Variants in RGS5 observed in about 807,000 individuals in gnomAD.
The protein encoded by RGS5 is regulator of G-protein signalling 5.
In RGS5, 20 loss-of-function variants were observed where a neutral mutation model predicts 18.9. The observed-to-expected ratio is 1.06, with a 90% CI of 0.74 to 1.54. The LOEUF (loss-of-function observed/expected upper bound fraction) is 1.54. RGS5 is among the 40% of genes most tolerant of loss of function. The probability of loss-of-function intolerance (pLI) is 0.00; values close to 1 mark genes in which losing one functional copy is unlikely to be tolerated. For missense variants in RGS5, 201 were observed against 211.8 expected (o/e 0.95, Z 0.32); for synonymous variants, 57 against 76.2 (o/e 0.75, Z 1.31).
At chr1:163,173,821 A>G (rs1658417280) in intron 1 of RGS5, among the ~76,000 whole-genome samples, 1 of 152,202 alleles carries the variant, frequency 6.6e-6, no homozygotes, top group Non-Finnish European at 1.5e-5. Flanking sequence ...CATGCCTGTA[A>G]TCCCAGCACT....
At chr1:163,224,328 T>A (rs1369686021) in intron 2 of RGS5, among the ~76,000 whole-genome samples, 1 of 152,234 alleles carries the variant, frequency 6.6e-6, no homozygotes, top group Non-Finnish European at 1.5e-5. Flanking sequence ...TTTGGCTTAT[T>A]TCACTTAACA....
chr1:163,187,341 G>C (rs960290318), intron 1 of RGS5, among the ~76,000 whole-genome samples: 3 of 152,168 alleles, frequency 2.0e-5, no homozygotes, highest in Non-Finnish European at 4.4e-5. Flanking sequence ...GTCACATATA[G>C]TATGTGTGGT....
intron 1 of RGS5, among the ~76,000 whole-genome samples, chr1:163,172,807 G>A (rs537140790): frequency 1.6e-3 from 239 of 152,240 alleles, no homozygotes; most frequent in African/African-American, 5.2e-3. Flanking sequence ...TTTAAAGGCC[G>A]AGGAGCTGAG....
intron 2 of RGS5, among the ~76,000 whole-genome samples, chr1:163,166,976 G>C (rs1658081931): frequency 6.6e-6 from 1 of 152,126 alleles, no homozygotes; most frequent in African/African-American, 2.4e-5. Context: ...CTTGGTGCCT[G>C]CTGCTCCACA....
At chr1:163,189,349 A>T (rs997625190) in intron 1 of RGS5, among the ~76,000 whole-genome samples, 1 of 152,224 alleles carries the variant, frequency 6.6e-6, no homozygotes, top group Non-Finnish European at 1.5e-5. Flanking sequence ...AGAGTCAAGG[A>T]ACTCTTCCCA....
intron 2 of RGS5, among the ~76,000 whole-genome samples, chr1:163,230,718 A>T (rs1374648564): frequency 1.3e-5 from 2 of 152,212 alleles, no homozygotes; most frequent in Non-Finnish European, 2.9e-5. Context: ...GATTTATAAC[A>T]CCTGATGATT....
chr1:163,202,998 G>A, upstream of RGS5: 1 of 607,202 alleles, frequency 1.6e-6, no homozygotes, highest in Non-Finnish European at 2.9e-6. Flanking sequence ...GAGCCTTAGA[G>A]GAAACTGCAG....
intron 2 of RGS5, among the ~76,000 whole-genome samples, chr1:163,235,494 G>A (rs145760009): frequency 4.9e-4 from 75 of 152,220 alleles, no homozygotes; most frequent in African/African-American, 1.6e-3. Context: ...TCCACAGTAG[G>A]GACTATTTCT....
intron 2 of RGS5, among the ~76,000 whole-genome samples, chr1:163,249,847 T>C (rs1480218356): frequency 1.3e-5 from 2 of 152,116 alleles, no homozygotes; most frequent in South Asian, 2.1e-4. Context: ...ATGGGGAAGA[T>C]GGTAATTGCA....
intron 1 of RGS5, among the ~76,000 whole-genome samples, chr1:163,202,126 G>A (rs1659794026): frequency 4.6e-5 from 7 of 152,108 alleles, no homozygotes; most frequent in Admixed American, 4.6e-4. Context: ...TGTCCCAAGG[G>A]CTTTTTCTCT....
At chr1:163,220,561 A>T (rs1352830152), upstream of RGS5, among the ~76,000 whole-genome samples, 4 of 152,126 alleles carry the variant, frequency 2.6e-5, no homozygotes, top group Admixed American at 2.6e-4. Context: ...TCCATCTGAT[A>T]TTTCCACAGG....
upstream of RGS5, among the ~76,000 whole-genome samples, chr1:163,220,098 C>A (rs1056791046): frequency 1.3e-5 from 2 of 152,028 alleles, no homozygotes; most frequent in Non-Finnish European, 2.9e-5. Context: ...TTTAGCTATT[C>A]TTTTGCTTGT....
rs1352483249 is a variant in RGS5, at chr1:163,144,457, A to G, written c.*2885T>C. 6.6e-6 allele frequency: 1 copy of G among 152,428 alleles called. No individual in the cohort carries two copies. Among genetic ancestry groups the G allele is most frequent in the Non-Finnish European group, 1.5e-5 (1 of 68,014 alleles). The allele number at this position is 152,428 out of a possible 1,614,324, so 9.4% of individuals were successfully genotyped here. On this transcript the variant is annotated 3_prime_UTR_variant, in exon 5 of 5. Transcript: ENST00000313961. Reference sequence around the variant, plus strand: ...GGGCTAATCTTAGGTTTTTTTCTCAAGAGTGAGAACCATATTCTCCTATTT... The same window carrying G: ...GGGCTAATCTTAGGTTTTTTTCTCAGGAGTGAGAACCATATTCTCCTATTT...
chr1:163,272,154 G>C (rs1648738285), intron 2 of RGS5, among the ~76,000 whole-genome samples: 1 of 151,564 alleles, frequency 6.6e-6, no homozygotes. Context: ...TCTTGGTGTG[G>C]TTTTAATTTT....
chr1:163,164,949 C>T (rs937828561), intron 2 of RGS5, among the ~76,000 whole-genome samples: 3 of 152,202 alleles, frequency 2.0e-5, no homozygotes, highest in African/African-American at 7.2e-5. Context: ...AAGTTATTTA[C>T]TGTCAATTAG....
At position 163,247,582 on chromosome 1, in the gene RGS5, T is replaced by TTATATA. The variant is rs5778320; in HGVS notation, c.-281+58645_-281+58650dup. Among the ~76,000 whole-genome samples the TTATATA allele has an allele frequency of 7.6e-3, 1,127 of 147,622 alleles. 8 individuals are homozygous for TTATATA. Among genetic ancestry groups the TTATATA allele is most frequent in the Non-Finnish European group, 9.2e-3 (616 of 66,694 alleles). The stretch of plus-strand genomic sequence containing the variant: ...GCAATTGAACTGGATAGAAGTTGAT[T>TTATATA]TATATATATATATATATATGTATAC... On this transcript the variant is annotated intron_variant, in intron 2 of 5. Coordinates refer to the RGS5 transcript ENST00000618415.
chr1:163,166,365 C>T (rs530117037), intron 2 of RGS5, among the ~76,000 whole-genome samples: 2 of 152,142 alleles, frequency 1.3e-5, no homozygotes, highest in African/African-American at 2.4e-5. Flanking sequence ...CTACTGATGT[C>T]AGTAACCCAA....
chr1:163,152,986 C>T (rs1455424124), intron 3 of RGS5, among the ~76,000 whole-genome samples: 1 of 152,116 alleles, frequency 6.6e-6, no homozygotes, highest in East Asian at 1.9e-4. Context: ...ACCACATTGT[C>T]TTTCCAAACA....
intron 2 of RGS5, among the ~76,000 whole-genome samples, chr1:163,265,451 A>G (rs1156527244): frequency 6.6e-6 from 1 of 152,032 alleles, no homozygotes; most frequent in African/African-American, 2.4e-5. Flanking sequence ...TACCTTTATC[A>G]TCCTCTTCTA....
Sources: allele counts gnomAD v4.1 joint callset (sites outside exome capture counted in the v4.1 genomes callset), GRCh38; gene constraint gnomAD v4.1.1; transcripts MANE v1.5; gene names NCBI Gene and HGNC (gene_info 2026-07-23, HGNC 2026-07-21).